Variants in DAAM2 observed in about 807,000 individuals in gnomAD.
DAAM2 encodes the protein disheveled-associated activator of morphogenesis 2.
Under a neutral mutation model 120.7 loss-of-function variants are expected in DAAM2, and 39 were observed. That is an observed-to-expected ratio of 0.32 (90% CI 0.25 to 0.42). DAAM2 has a LOEUF of 0.42. Among genes scored for constraint, DAAM2 ranks in the 10% least tolerant of loss-of-function variants. DAAM2 has a pLI of 1.00. For missense variants in DAAM2, 1,283 were observed against 1,401.7 expected, an observed-to-expected ratio of 0.92 and a Z score of 1.35; for synonymous variants, 488 against 524.9, an observed-to-expected ratio of 0.93 and a Z score of 0.96.
intron 1 of DAAM2, among the ~76,000 whole-genome samples, chr6:39,853,496 G>A (rs1011862649): frequency 1.3e-5 from 2 of 152,166 alleles, no homozygotes; most frequent in African/African-American, 2.4e-5. Flanking sequence ...CTCACTCCCC[G>A]TACTCAGGGG....
chr6:39,843,195 G>C (rs927602325), intron 1 of DAAM2, among the ~76,000 whole-genome samples: 5 of 152,142 alleles, frequency 3.3e-5, no homozygotes, highest in African/African-American at 1.2e-4. Flanking sequence ...ACTGCGGGGG[G>C]AGTTGGAGAT....
At chr6:39,825,781 CT>C (rs1762652210) in intron 1 of DAAM2, among the ~76,000 whole-genome samples, 1 of 152,156 alleles carries the variant, frequency 6.6e-6, no homozygotes, top group Admixed American at 6.5e-5. Context: ...GCAGGGTGGG[CT>C]CATGTATCTC....
At chr6:39,835,796 G>A (rs1446021674) in intron 1 of DAAM2, among the ~76,000 whole-genome samples, 1 of 152,174 alleles carries the variant, frequency 6.6e-6, no homozygotes, top group Non-Finnish European at 1.5e-5. Context: ...CTACCCTAAT[G>A]AGATGGCCAG....
At chr6:39,831,130 G>A (rs914787265) in intron 1 of DAAM2, among the ~76,000 whole-genome samples, 1 of 152,186 alleles carries the variant, frequency 6.6e-6, no homozygotes, top group Admixed American at 6.5e-5. Context: ...GGCCTATTAT[G>A]TACCAGGTAG....
chr6:39,856,133 TGGGTTGA>T, intron 1 of DAAM2, 107 bp from the exon 2 acceptor site: 3 of 1,259,076 alleles, frequency 2.4e-6, no homozygotes. Flanking sequence ...GCTTTGCTAT[TGGGTTGA>T]GGGCTCCCAG....
intron 2 of DAAM2, 124 bp from the exon 3 acceptor site, chr6:39,860,804 T>G (rs1227009451): frequency 2.6e-6 from 2 of 777,516 alleles, no homozygotes; most frequent in East Asian, 5.4e-5. Flanking sequence ...TTGATGCTCT[T>G]CGGGAGGAAG....
At chr6:39,896,087 C>T (rs565687682) in intron 19 of DAAM2, among the ~76,000 whole-genome samples, 1 of 152,066 alleles carries the variant, frequency 6.6e-6, no homozygotes, top group East Asian at 1.9e-4. Flanking sequence ...TCAAGACAGG[C>T]AGAAGCAATC....
At chr6:39,900,238 C>A in intron 23 of DAAM2, 30 bp downstream of exon 23, 2 of 1,603,968 alleles carry the variant, frequency 1.2e-6, no homozygotes, top group South Asian at 2.2e-5. Flanking sequence ...CACTGCTTGC[C>A]AACCCAGCCT....
Position 39,901,171 on chromosome 6 carries a change from C to T in DAAM2, c.2812-131C>T. 1 of 769,756 alleles carries T rather than the reference C, an allele frequency of 1.3e-6. No individual in the cohort carries two copies. The allele number at this position is 769,756 out of a possible 1,614,324, so 47.7% of individuals were successfully genotyped here. A position where few individuals can be genotyped will look rare whatever the true frequency, so the allele number is the denominator to read the frequency against. ...GGGGGTGTCTTCTCACCTCTTCCAG[C>T]CCTGCCCCCTGTGCCAACAGTCCCC... On this transcript the variant is annotated intron_variant, in intron 23 of 24. Transcript: ENST00000274867. This position sits in a 1 kb window ranked among gnomAD's most constrained non-coding sequence, Gnocchi z 4.5.
At chr6:39,821,059 T>C (rs766895963) in intron 1 of DAAM2, 2 of 152,254 alleles carry the variant, frequency 1.3e-5, no homozygotes, top group African/African-American at 2.4e-5. Context: ...AGTCACAGAC[T>C]GGTGTGTGTT....
intron 1 of DAAM2, chr6:39,819,919 CAGAT>C (rs1187926909): frequency 6.6e-6 from 1 of 152,278 alleles, no homozygotes; most frequent in East Asian, 1.9e-4. Context: ...CACATAGCAT[CAGAT>C]AGGGAATTCT....
At chr6:39,864,538 C>G (rs751839958) in intron 4 of DAAM2, 31 bp downstream of exon 4, 4 of 1,578,004 alleles carry the variant, frequency 2.5e-6, no homozygotes. Context: ...TGCCCTGCCC[C>G]CACCTGGAAA....
At chr6:39,885,129 G>C (rs1371703095) in intron 15 of DAAM2, 2 of 152,438 alleles carry the variant, frequency 1.3e-5, no homozygotes, top group Non-Finnish European at 2.9e-5. Flanking sequence ...CACTGAGCTG[G>C]AGAGGTTGCC....
Position 39,888,783 on chromosome 6 carries a change from G to A in DAAM2, c.2145+20G>A. 1 of 1,603,338 alleles carries A rather than the reference G, an allele frequency of 6.2e-7. No individual in the cohort carries two copies. The highest frequency in any genetic ancestry group is 8.5e-7 in the Non-Finnish European group (1 of 1,172,320). On this transcript the variant is annotated intron_variant, in intron 17 of 24. Coordinates refer to ENST00000274867, the MANE Select transcript of DAAM2 (RefSeq NM_001201427.2). ...GAGCAGGTGAGGACCCTCGTGGGAA[G>A]GAAGGGGAACTGAACCCAGCGGGCA...
At chr6:39,866,924 T>C (rs1041466001) in intron 5 of DAAM2, among the ~76,000 whole-genome samples, 1 of 152,252 alleles carries the variant, frequency 6.6e-6, no homozygotes, top group Non-Finnish European at 1.5e-5. Flanking sequence ...AAAATAAAAA[T>C]GTAATTTTCT....
Position 39,856,381 on chromosome 6 carries a change from C to G in DAAM2, c.79C>G (p.Leu27Val). 1 of 1,552,956 alleles carries G rather than the reference C, an allele frequency of 6.4e-7. No individual in the cohort carries two copies. The highest frequency in any genetic ancestry group is 8.7e-7 in the Non-Finnish European group (1 of 1,149,090). ...FGGSDIPEIN[L>V]RDNHPLQFME... ...GGGCAGTGACATCCCCGAAATCAAC[C>G]TCCGGGACAACCACCCTCTGCAGTT... Residue 27 changes from leucine to valine, a missense_variant, in exon 2 of 25, where the codon CTC (leucine) becomes GTC (valine). Physicochemically the swap from Leu to Val is conservative, Grantham distance 32. Around this residue, in one of 3 missense-constraint regions of DAAM2, gnomAD observed 197 missense variants for 189.3 expected, o/e 1.04. Coordinates refer to ENST00000274867, the MANE Select transcript of DAAM2 (RefSeq NM_001201427.2).
At position 39,881,779 on chromosome 6, in the gene DAAM2, C is replaced by T. The variant is rs529022743; in HGVS notation, c.1846-2183C>T. On this transcript the variant is annotated intron_variant, in intron 14 of 24. Coordinates refer to ENST00000274867, the MANE Select transcript of DAAM2 (RefSeq NM_001201427.2). ...TTTCCTACATACAAAGTACTTGGAA[C>T]AGTGACTGACACATAGAAAGTCTTC... The T allele has an allele frequency of 3.9e-5, 6 of 152,180 alleles. No homozygotes were observed. In the East Asian group the frequency reaches 5.8e-4, roughly 15 times the overall value. The allele number at this position is 152,180 out of a possible 1,614,324, so 9.4% of individuals were successfully genotyped here.
chr6:39,875,801 G>C (rs1185189155), intron 11 of DAAM2, among the ~76,000 whole-genome samples: 1 of 152,138 alleles, frequency 6.6e-6, no homozygotes, highest in African/African-American at 2.4e-5. Flanking sequence ...GGTGTATTGG[G>C]CATGTTCTCA....
At chr6:39,876,827 C>G (rs1764892811) in intron 11 of DAAM2, among the ~76,000 whole-genome samples, 1 of 152,088 alleles carries the variant, frequency 6.6e-6, no homozygotes, top group African/African-American at 2.4e-5. Context: ...TATCTCCCAC[C>G]CCTCCTTTCT....
Sources: gnomAD v4.1 joint callset for allele counts (sites outside exome capture counted in the v4.1 genomes callset) on GRCh38, gnomAD v4.1.1 for gene constraint, gnomAD v4.1.1 regional missense constraint, Gnocchi (gnomAD v3.1) non-coding constraint, MANE v1.5 for transcripts, NCBI Gene and HGNC (gene_info 2026-07-23, HGNC 2026-07-21) for gene names.